The following DCAF6 variants were observed in gnomAD, a reference collection of about 807,000 sequenced individuals.
The protein encoded by DCAF6 is DDB1- and CUL4-associated factor 6.
In DCAF6, 54 loss-of-function variants were observed where a neutral mutation model predicts 125.1. That is an observed-to-expected ratio of 0.43 (90% CI 0.35 to 0.54). The LOEUF (loss-of-function observed/expected upper bound fraction) is 0.54, where lower values mean the gene tolerates loss of function less well. Ranked by LOEUF, DCAF6 falls within the 20% of genes least tolerant of loss-of-function variation. The probability of loss-of-function intolerance (pLI) is 0.01; values close to 1 mark genes in which losing one functional copy is unlikely to be tolerated. For missense variants in DCAF6, 934 were observed against 1,161.7 expected, an observed-to-expected ratio of 0.80 and a Z score of 2.85; for synonymous variants, 371 against 390.4, an observed-to-expected ratio of 0.95 and a Z score of 0.58.
Position 168,003,773 on chromosome 1 carries a change from A to G in DCAF6, c.998-97A>G, listed in dbSNP as rs1412870582. 3 of 1,101,538 alleles carry G rather than the reference A, an allele frequency of 2.7e-6. No homozygotes were observed. In the African/African-American group the frequency reaches 4.7e-5, roughly 17 times the overall value. The allele number at this position is 1,101,538 out of a possible 1,614,324, so 68.2% of individuals were successfully genotyped here. A position where few individuals can be genotyped will look rare whatever the true frequency, so the allele number is the denominator to read the frequency against. On this transcript the variant is annotated intron_variant, in intron 8 of 21. Transcript: ENST00000367840. ...TTTAGGAAATTTGATTTTTAAAAAT[A>G]TGCTTTCATTTTAAAGCCCTTCAAA...
chr1:167,979,814 G>A (rs1035559701), intron 4 of DCAF6, among the ~76,000 whole-genome samples: 8 of 152,138 alleles, frequency 5.3e-5, no homozygotes, highest in Admixed American at 1.3e-4. Flanking sequence ...TTGAACCCAA[G>A]AGGTGGAGGA....
chr1:167,878,742 G>A, the DCAF6 span: 1 of 1,138,248 alleles, frequency 8.8e-7, no homozygotes, highest in Non-Finnish European at 1.3e-6. Flanking sequence ...TACTCCCTTT[G>A]CTGTTCATGA....
Position 168,014,579 on chromosome 1 carries a change from T to G in DCAF6, c.1379-1202T>G, listed in dbSNP as rs146517316. Among the ~76,000 whole-genome samples, 25 of 152,350 alleles carry G rather than the reference T, an allele frequency of 1.6e-4. No individual in the cohort carries two copies. The East Asian group carries it at 4.6e-3, about 28-fold the overall frequency. On this transcript the variant is annotated intron_variant, in intron 10 of 21. Transcript: ENST00000367840. ...CTAATTTCTCCACTTGGATGTCTAT[T>G]CATTCTTTCCCCCAACACTACTTGT... is the stretch of plus-strand genomic sequence containing the variant.
chr1:168,015,609 A>C (rs1684861968), intron 10 of DCAF6, among the ~76,000 whole-genome samples, 172 bp from the exon 11 acceptor site: 1 of 152,150 alleles, frequency 6.6e-6, no homozygotes, highest in African/African-American at 2.4e-5. Context: ...TTGTATATGT[A>C]TTGTCTCATA....
At chr1:167,901,701 G>A in the DCAF6 span, 1 of 1,614,054 alleles carries the variant, frequency 6.2e-7, no homozygotes, top group South Asian at 1.1e-5. Context: ...TCCCACTCCT[G>A]GGTCTCAAAC....
chr1:167,919,888 A>G, the DCAF6 span: 331 of 757,466 alleles, frequency 4.4e-4, no homozygotes, highest in Non-Finnish European at 5.9e-4. Flanking sequence ...AGCCTGGGCA[A>G]CAGAGCGAGA....
At chr1:167,893,821 C>T in the DCAF6 span, 2 of 1,512,234 alleles carry the variant, frequency 1.3e-6, no homozygotes, top group Admixed American at 1.7e-5. Context: ...CCCTGACATC[C>T]CCAAAGCCAG....
the DCAF6 span, among the ~76,000 whole-genome samples, chr1:167,882,484 CAAAAAAA>C: frequency 4.2e-5 from 3 of 71,142 alleles, no homozygotes; most frequent in Admixed American, 1.6e-4. Flanking sequence ...GATTCCGTCT[CAAAAAAA>C]AAAAAAAAAA....
chr1:167,904,836 C>G, the DCAF6 span: 2 of 928,628 alleles, frequency 2.2e-6, no homozygotes, highest in South Asian at 2.8e-5. Context: ...GGGCCACAAG[C>G]TATTTCCTCC....
chr1:167,934,691 T>C (rs182164947), upstream of DCAF6, among the ~76,000 whole-genome samples: 45 of 152,288 alleles, frequency 3.0e-4, no homozygotes, highest in African/African-American at 1.0e-3. Context: ...TTCCTAATGA[T>C]ACCAACTACA....
At chr1:167,989,146 T>G (rs1680460929) in intron 5 of DCAF6, among the ~76,000 whole-genome samples, 1 of 152,182 alleles carries the variant, frequency 6.6e-6, no homozygotes, top group Non-Finnish European at 1.5e-5. Context: ...TGTTACGTAT[T>G]TGTATATACA....
intron 3 of DCAF6, among the ~76,000 whole-genome samples, chr1:167,969,983 G>GC (rs1328204686): frequency 1.3e-5 from 2 of 152,238 alleles, no homozygotes; most frequent in East Asian, 3.9e-4. Context: ...CACCATGTTG[G>GC]CCAGGCTGGT....
chr1:167,878,341 A>G, the DCAF6 span: 1 of 1,330,064 alleles, frequency 7.5e-7, no homozygotes, highest in Non-Finnish European at 1.1e-6. Context: ...CATAGATTTC[A>G]ACTTTTTGAA....
At chr1:167,968,141 T>G (rs1320095688) in intron 3 of DCAF6, among the ~76,000 whole-genome samples, 1 of 152,182 alleles carries the variant, frequency 6.6e-6, no homozygotes, top group Non-Finnish European at 1.5e-5. Context: ...TATTGGTGAT[T>G]GTATCAGTCG....
chr1:168,037,753 C>T (rs1026478391), intron 12 of DCAF6, among the ~76,000 whole-genome samples: 4 of 152,042 alleles, frequency 2.6e-5, no homozygotes, highest in South Asian at 2.1e-4. Flanking sequence ...CAAGATTAGT[C>T]AGGAAGAGAA....
upstream of DCAF6, among the ~76,000 whole-genome samples, chr1:167,935,437 CG>C (rs1334414156): frequency 2.0e-5 from 3 of 152,118 alleles, no homozygotes; most frequent in Non-Finnish European, 4.4e-5. Context: ...GTTTGGTGGC[CG>C]CAGAAGTTGA....
Position 167,995,774 on chromosome 1 carries a change from C to A in DCAF6, c.903+2334C>A, listed in dbSNP as rs549835732. The stretch of plus-strand genomic sequence containing the variant: ...ATCTGTCTTATTTGTAATTCTGACA[C>A]ATTTTGGTGTTTTATACTGAAACTT... On this transcript the variant is annotated intron_variant, in intron 7 of 21. Transcript: ENST00000367840. Among the ~76,000 whole-genome samples the A allele has an allele frequency of 1.3e-5, 2 of 151,750 alleles. 1 individual carries two copies. Among genetic ancestry groups the A allele is most frequent in the South Asian group, 4.2e-4 (2 of 4,790 alleles).
chr1:168,063,920 T>C, intron 18 of DCAF6, 161 bp downstream of exon 18: 1 of 607,478 alleles, frequency 1.6e-6, no homozygotes, highest in Non-Finnish European at 2.6e-6. Flanking sequence ...AGCCCTATAA[T>C]ATATTGTGAA....
chr1:167,908,733 C>A, the DCAF6 span, among the ~76,000 whole-genome samples: 2 of 152,116 alleles, frequency 1.3e-5, no homozygotes, highest in Non-Finnish European at 2.9e-5. Flanking sequence ...AGTGAGAGAA[C>A]TAATGCACTG....
Sources: allele counts gnomAD v4.1 joint callset (sites outside exome capture counted in the v4.1 genomes callset), GRCh38; gene constraint gnomAD v4.1.1; transcripts MANE v1.5; gene names NCBI Gene and HGNC (gene_info 2026-07-23, HGNC 2026-07-21).